Variants in STARD13 observed in about 807,000 individuals in gnomAD.
STARD13 encodes StAR related lipid transfer domain containing 13.
STARD13 carries 62 observed loss-of-function variants against 106.4 expected under a neutral mutation model. The observed-to-expected ratio is 0.58, with a 90% CI of 0.48 to 0.72. STARD13 has a LOEUF of 0.72. Among genes scored for constraint, STARD13 ranks in the 30% least tolerant of loss-of-function variants. The pLI is 0.00. For synonymous variants in STARD13, 565 were observed against 553.0 expected, an observed-to-expected ratio of 1.02 and a Z score of -0.31; for missense variants, 1,387 against 1,424.0, an observed-to-expected ratio of 0.97 and a Z score of 0.42.
chr13:33,635,184 C>G, the STARD13 span, among the ~76,000 whole-genome samples: 10 of 152,318 alleles, frequency 6.6e-5, no homozygotes, highest in African/African-American at 2.4e-4. Flanking sequence ...TGTGGACCCT[C>G]CACTTCATGT....
the STARD13 span, among the ~76,000 whole-genome samples, chr13:33,357,115 A>G: frequency 2.0e-5 from 3 of 152,238 alleles, no homozygotes; most frequent in South Asian, 2.1e-4. Flanking sequence ...ACTTGCATGC[A>G]TAAAAAGATA....
intron 1 of STARD13, among the ~76,000 whole-genome samples, chr13:33,168,448 G>A (rs1276547311): frequency 6.6e-6 from 1 of 152,098 alleles, no homozygotes; most frequent in Non-Finnish European, 1.5e-5. Flanking sequence ...TGTGAACCAG[G>A]TCACTTTTTG....
upstream of STARD13, chr13:33,355,337 G>A (rs1030606007): frequency 5.9e-5 from 9 of 152,026 alleles, no homozygotes; most frequent in South Asian, 2.1e-4. Flanking sequence ...CCATCACCCC[G>A]TATGGAAGAG....
the STARD13 span, among the ~76,000 whole-genome samples, chr13:33,401,007 C>A: frequency 6.6e-6 from 1 of 152,198 alleles, no homozygotes; most frequent in Admixed American, 6.5e-5. Flanking sequence ...AAGAGAATGA[C>A]TGTAGATCCT....
the STARD13 span, among the ~76,000 whole-genome samples, chr13:33,585,454 G>A: frequency 6.6e-6 from 1 of 152,078 alleles, no homozygotes; most frequent in East Asian, 1.9e-4. Context: ...AGCACTTTAG[G>A]AGGCCAAGAC....
the STARD13 span, among the ~76,000 whole-genome samples, chr13:33,464,773 C>T: frequency 2.6e-5 from 4 of 152,066 alleles, no homozygotes; most frequent in Non-Finnish European, 5.9e-5. Context: ...CACTTGAACT[C>T]GGAAGGCGGA....
At chr13:33,244,449 T>C (rs983690664) in intron 1 of STARD13, among the ~76,000 whole-genome samples, 4 of 152,108 alleles carry the variant, frequency 2.6e-5, no homozygotes, top group Admixed American at 2.6e-4. Flanking sequence ...TTACATAGAC[T>C]ACTGCTGCGA....
At chr13:33,313,201 G>C (rs1375985561) in intron 1 of STARD13, among the ~76,000 whole-genome samples, 1 of 152,170 alleles carries the variant, frequency 6.6e-6, no homozygotes, top group African/African-American at 2.4e-5. Flanking sequence ...TGAGTGCATT[G>C]CTGTAGATAT....
intron 2 of STARD13, among the ~76,000 whole-genome samples, chr13:33,166,003 A>G (rs140242882): frequency 1.7e-4 from 26 of 152,322 alleles, no homozygotes; most frequent in African/African-American, 6.3e-4. Context: ...CAATATTTAG[A>G]ACATGGTGTG....
the STARD13 span, among the ~76,000 whole-genome samples, chr13:33,389,801 G>A: frequency 6.6e-5 from 10 of 151,898 alleles, no homozygotes; most frequent in Admixed American, 1.3e-4. Flanking sequence ...ATTTATCTTC[G>A]TTTATTATGT....
chr13:33,469,979 T>C, the STARD13 span, among the ~76,000 whole-genome samples: 2 of 152,274 alleles, frequency 1.3e-5, no homozygotes, highest in East Asian at 3.9e-4. Flanking sequence ...TAGGTATACA[T>C]GTGCCATGGT....
the STARD13 span, among the ~76,000 whole-genome samples, chr13:33,569,404 C>G: frequency 1.4e-5 from 2 of 147,550 alleles, no homozygotes; most frequent in Non-Finnish European, 3.0e-5. Flanking sequence ...TAAGCCTTAT[C>G]GAACCCCTTG....
chr13:33,524,980 T>G, the STARD13 span, among the ~76,000 whole-genome samples: 8 of 152,110 alleles, frequency 5.3e-5, no homozygotes, highest in South Asian at 4.1e-4. Flanking sequence ...AAATTTTGTA[T>G]TCTTTGATCA....
the STARD13 span, among the ~76,000 whole-genome samples, chr13:33,523,601 GA>G: frequency 6.6e-6 from 1 of 151,728 alleles, no homozygotes; most frequent in East Asian, 1.9e-4. Context: ...TTTAAAAAGT[GA>G]AAAAAATTTA....
At chr13:33,346,670 C>T (rs191744548), downstream of STARD13, among the ~76,000 whole-genome samples, 776 of 152,134 alleles carry the variant, frequency 5.1e-3, 5 homozygotes, top group African/African-American at 0.018. Context: ...TGCTCTGTCA[C>T]CTAGGCTGGG....
chr13:33,431,713 G>T, the STARD13 span, among the ~76,000 whole-genome samples: 1 of 152,150 alleles, frequency 6.6e-6, no homozygotes. Context: ...CTCAGTTTCT[G>T]TAAAATCAAG....
the STARD13 span, among the ~76,000 whole-genome samples, chr13:33,444,480 T>A: frequency 6.6e-6 from 1 of 152,154 alleles, no homozygotes; most frequent in Admixed American, 6.5e-5. Context: ...AAGGGTAATT[T>A]GCAGGCCAGG....
upstream of STARD13, among the ~76,000 whole-genome samples, chr13:33,288,143 G>A (rs962485892): frequency 5.3e-5 from 8 of 151,876 alleles, no homozygotes; most frequent in Non-Finnish European, 1.0e-4. Context: ...TCTCCTTTTT[G>A]CATAGTCATG....
At chr13:33,391,083 T>C in the STARD13 span, among the ~76,000 whole-genome samples, 1 of 152,116 alleles carries the variant, frequency 6.6e-6, no homozygotes, top group African/African-American at 2.4e-5. Flanking sequence ...ATCACAAAAA[T>C]ATAACAAGAA....
Sources: allele counts gnomAD v4.1 joint callset (sites outside exome capture counted in the v4.1 genomes callset), GRCh38; gene constraint gnomAD v4.1.1; transcripts MANE v1.5; gene names NCBI Gene and HGNC (gene_info 2026-07-23, HGNC 2026-07-21).